The following LPIN2 variants were observed in gnomAD, a reference collection of about 807,000 sequenced individuals.
LPIN2 encodes phosphatidate phosphatase LPIN2.
LPIN2 carries 55 observed loss-of-function variants against 111.4 expected under a neutral mutation model. The ratio of observed to expected loss-of-function variants is 0.49; its 90% CI spans 0.40 to 0.62. The LOEUF is 0.62. Ranked by LOEUF, LPIN2 falls within the 20% of genes least tolerant of loss-of-function variation. LPIN2 has a pLI of 0.00. For synonymous variants in LPIN2, 425 were observed against 414.0 expected (o/e 1.03, Z -0.32); for missense variants, 992 against 1,112.1 (o/e 0.89, Z 1.54).
chr18:2,935,487 G>A (rs1196445840), intron 7 of LPIN2, among the ~76,000 whole-genome samples: 2 of 152,214 alleles, frequency 1.3e-5, no homozygotes, highest in East Asian at 1.9e-4. Context: ...GAGAGGGCAT[G>A]AGGGTGTGGA....
At chr18:2,962,529 T>C (rs779688277) in intron 1 of LPIN2, among the ~76,000 whole-genome samples, 25 of 150,624 alleles carry the variant, frequency 1.7e-4, no homozygotes, top group Non-Finnish European at 3.4e-4. Flanking sequence ...ATAAGAAACA[T>C]AAAAAAAAAG....
intron 1 of LPIN2, among the ~76,000 whole-genome samples, chr18:3,003,144 A>C (rs1347364613): frequency 6.6e-6 from 1 of 152,270 alleles, no homozygotes; most frequent in African/African-American, 2.4e-5. Context: ...TATATTCATG[A>C]ATTTGGGAAT....
intron 1 of LPIN2, among the ~76,000 whole-genome samples, chr18:2,969,687 C>T (rs909128744): frequency 2.0e-5 from 3 of 151,976 alleles, no homozygotes; most frequent in South Asian, 2.1e-4. Flanking sequence ...ATGAAAAATA[C>T]GGGAAAGGGG....
chr18:2,952,764 T>C (rs2077555950), intron 3 of LPIN2, among the ~76,000 whole-genome samples: 1 of 152,254 alleles, frequency 6.6e-6, no homozygotes, highest in African/African-American at 2.4e-5. Context: ...TTCTTAGTTC[T>C]ATTATAGCAA....
At chr18:2,983,670 T>C (rs2078145026) in intron 1 of LPIN2, among the ~76,000 whole-genome samples, 1 of 152,170 alleles carries the variant, frequency 6.6e-6, no homozygotes, top group African/African-American at 2.4e-5. Context: ...AAATACACAC[T>C]GGATTTCCAT....
intron 1 of LPIN2, among the ~76,000 whole-genome samples, chr18:2,961,389 A>G (rs1285575736): frequency 6.6e-6 from 1 of 152,190 alleles, no homozygotes; most frequent in Non-Finnish European, 1.5e-5. Flanking sequence ...ATGCTAGATT[A>G]AATAAACTCT....
chr18:2,956,314 GTGTGTGT>G (rs1568568692), intron 2 of LPIN2, among the ~76,000 whole-genome samples: 11 of 35,104 alleles, frequency 3.1e-4, no homozygotes, highest in Non-Finnish European at 8.4e-4. Flanking sequence ...ATGCAGGGGT[GTGTGTGT>G]GTGTGTGTGT....
At chr18:2,995,970 T>C (rs942793744) in intron 1 of LPIN2, among the ~76,000 whole-genome samples, 1 of 152,228 alleles carries the variant, frequency 6.6e-6, no homozygotes, top group Non-Finnish European at 1.5e-5. Context: ...CAAGCTTCCT[T>C]ATTACATGTG....
rs548820411 is a variant in LPIN2, at chr18:3,010,252, A to G, written c.-10+2835T>C. Among the ~76,000 whole-genome samples, 7 of 151,294 alleles carry G rather than the reference A, an allele frequency of 4.6e-5. No homozygotes were observed. In the South Asian group the frequency reaches 1.5e-3, roughly 32 times the overall value. On this transcript the variant is annotated intron_variant, in intron 1 of 19. Transcript: ENST00000677752. Reference sequence around the variant, plus strand: ...AGGGGAGGTGGATTCCAAAAATCACAGTTAATTACCAAAGCCGCTAAGCCA... The same window carrying G: ...AGGGGAGGTGGATTCCAAAAATCACGGTTAATTACCAAAGCCGCTAAGCCA...
At chr18:2,932,030 T>G (rs956512521) in intron 8 of LPIN2, among the ~76,000 whole-genome samples, 2 of 152,068 alleles carry the variant, frequency 1.3e-5, no homozygotes, top group Non-Finnish European at 2.9e-5. Flanking sequence ...AGAAATAAAC[T>G]GGATGTAACT....
chr18:3,004,242 A>G (rs2078477437), intron 1 of LPIN2, among the ~76,000 whole-genome samples: 1 of 152,142 alleles, frequency 6.6e-6, no homozygotes, highest in African/African-American at 2.4e-5. Flanking sequence ...CCTTTGAAGC[A>G]TGGGATCCTT....
At chr18:2,970,018 T>TA (rs1318474477) in intron 1 of LPIN2, among the ~76,000 whole-genome samples, 1 of 152,206 alleles carries the variant, frequency 6.6e-6, no homozygotes, top group Non-Finnish European at 1.5e-5. Context: ...TTATGATACT[T>TA]AAATTCTAGA....
chr18:2,998,299 T>C (rs1186242557), intron 1 of LPIN2, among the ~76,000 whole-genome samples: 1 of 152,226 alleles, frequency 6.6e-6, no homozygotes, highest in Non-Finnish European at 1.5e-5. Flanking sequence ...ACCAGTGTGT[T>C]ATCACAAGCT....
intron 4 of LPIN2, chr18:2,945,562 T>A: frequency 6.7e-7 from 1 of 1,494,122 alleles, no homozygotes. Flanking sequence ...TGCTGTGTCG[T>A]CTTTTTGTTT....
chr18:2,932,665 G>A (rs777960894), intron 8 of LPIN2, among the ~76,000 whole-genome samples: 1 of 152,232 alleles, frequency 6.6e-6, no homozygotes, highest in Non-Finnish European at 1.5e-5. Flanking sequence ...CCCCCTTGCA[G>A]TCAGGTGGGG....
rs774247039 is a variant in LPIN2, at chr18:2,922,259, A to C, written c.2175-60T>G. The C allele has an allele frequency of 6.2e-4, 972 of 1,566,724 alleles. 1 individual carries two copies. The highest frequency in any genetic ancestry group is 7.8e-4 in the Non-Finnish European group (899 of 1,151,226). Reference sequence around the variant, plus strand: ...CTGGCTAAGGGAAAAGAAAACAAAAAACAAAAAAAAAACCCCACACTTTTC... The same window carrying C: ...CTGGCTAAGGGAAAAGAAAACAAAACACAAAAAAAAAACCCCACACTTTTC... On this transcript the variant is annotated intron_variant, in intron 16 of 19. Transcript: ENST00000677752.
intron 2 of LPIN2, among the ~76,000 whole-genome samples, chr18:2,956,554 G>A (rs2077620629): frequency 6.6e-6 from 1 of 152,202 alleles, no homozygotes; most frequent in Admixed American, 6.5e-5. Flanking sequence ...TACCAGGAAG[G>A]AAGGGTTCAA....
chr18:2,944,403 G>A (rs2077416475), intron 4 of LPIN2, among the ~76,000 whole-genome samples: 1 of 129,628 alleles, frequency 7.7e-6, no homozygotes, highest in African/African-American at 3.0e-5. Flanking sequence ...CCAGGCTGGA[G>A]TGCAGTGGCG....
chr18:2,951,760 G>A (rs1186452913), intron 3 of LPIN2, among the ~76,000 whole-genome samples: 1 of 152,234 alleles, frequency 6.6e-6, no homozygotes, highest in African/African-American at 2.4e-5. Flanking sequence ...GGAAAAAGCA[G>A]AAGGCAGAGA....
Sources: gnomAD v4.1 joint callset for allele counts (sites outside exome capture counted in the v4.1 genomes callset) on GRCh38, gnomAD v4.1.1 for gene constraint, MANE v1.5 for transcripts, NCBI Gene and HGNC (gene_info 2026-07-23, HGNC 2026-07-21) for gene names.